IFT88: variants seen among roughly 807,000 people sequenced by gnomAD.
IFT88 encodes the protein intraflagellar transport 88.
A neutral mutation model predicts 119.5 loss-of-function variants in IFT88; 74 were observed. That is an observed-to-expected ratio of 0.62 (90% CI 0.51 to 0.75). IFT88 has a LOEUF of 0.75. IFT88 is among the 30% of genes least tolerant of loss of function. IFT88 has a pLI of 0.00. For synonymous variants in IFT88, 279 were observed against 316.7 expected, an observed-to-expected ratio of 0.88 and a Z score of 1.26; for missense variants, 961 against 977.7, an observed-to-expected ratio of 0.98 and a Z score of 0.23.
intron 17 of IFT88, among the ~76,000 whole-genome samples, chr13:20,640,556 G>A (rs1408613220): frequency 6.1e-5 from 9 of 148,198 alleles, no homozygotes; most frequent in African/African-American, 2.2e-4. Context: ...CTGGGCGACA[G>A]AGCGACTCCG....
intron 15 of IFT88, among the ~76,000 whole-genome samples, chr13:20,627,990 CTCTG>C (rs1390508981): frequency 3.9e-5 from 6 of 152,040 alleles, no homozygotes; most frequent in South Asian, 4.1e-4. Context: ...GCTGCTTTCA[CTCTG>C]TCTTTCTTTT....
chr13:20,670,090 G>T (rs1428907134), intron 23 of IFT88, among the ~76,000 whole-genome samples: 2 of 152,158 alleles, frequency 1.3e-5, no homozygotes, highest in Non-Finnish European at 2.9e-5. Flanking sequence ...GAAGTTGTCA[G>T]GGTTAAGGAG....
chr13:20,628,210 T>C (rs1001824310), intron 15 of IFT88, among the ~76,000 whole-genome samples: 6 of 152,272 alleles, frequency 3.9e-5, no homozygotes, highest in South Asian at 2.1e-4. Flanking sequence ...CTTTTTTTTT[T>C]TCCAAGAAAA....
intron 24 of IFT88, among the ~76,000 whole-genome samples, chr13:20,673,746 TTTTTC>T (rs1200710463): frequency 6.6e-6 from 1 of 152,192 alleles, no homozygotes; most frequent in Non-Finnish European, 1.5e-5. Flanking sequence ...CCACTGCTGC[TTTTTC>T]TTTTTTAATC....
chr13:20,665,336 A>G (rs967222173), intron 23 of IFT88, among the ~76,000 whole-genome samples: 2 of 152,220 alleles, frequency 1.3e-5, no homozygotes, highest in African/African-American at 4.8e-5. Flanking sequence ...TCCAGTTATT[A>G]CCAAAATGCA....
At chr13:20,592,830 A>C (rs2040935647) in intron 7 of IFT88, among the ~76,000 whole-genome samples, 1 of 152,192 alleles carries the variant, frequency 6.6e-6, no homozygotes, top group African/African-American at 2.4e-5. Context: ...ATTCCATAAG[A>C]ATTACATAAT....
chr13:20,650,672 T>C (rs1490669210), intron 20 of IFT88, among the ~76,000 whole-genome samples: 1 of 152,102 alleles, frequency 6.6e-6, no homozygotes, highest in African/African-American at 2.4e-5. Context: ...AAGTAAAAAT[T>C]AACCCTGTTC....
intron 16 of IFT88, among the ~76,000 whole-genome samples, chr13:20,632,402 C>A (rs546753637): frequency 1.2e-4 from 19 of 152,182 alleles, no homozygotes; most frequent in Non-Finnish European, 2.2e-4. Flanking sequence ...AGGCATGGAA[C>A]CCAGACCTCA....
intron 20 of IFT88, 30 bp downstream of exon 20, chr13:20,644,988 T>G (rs1566332137): frequency 1.9e-6 from 2 of 1,050,872 alleles, no homozygotes; most frequent in South Asian, 2.9e-5. Flanking sequence ...TTATGTTTAG[T>G]TAATGTCATG....
intron 13 of IFT88, among the ~76,000 whole-genome samples, chr13:20,608,605 G>A (rs1476083029): frequency 2.0e-5 from 3 of 152,160 alleles, no homozygotes; most frequent in African/African-American, 7.2e-5. Flanking sequence ...GCTTGAGAAC[G>A]TCAGACTGGC....
At chr13:20,673,029 G>A (rs536045114) in intron 24 of IFT88, among the ~76,000 whole-genome samples, 1 of 152,276 alleles carries the variant, frequency 6.6e-6, no homozygotes, top group South Asian at 2.1e-4. Flanking sequence ...GGAAGTACGT[G>A]ATATCAGCTC....
At chr13:20,596,087 A>T (rs532560051) in intron 7 of IFT88, 63 bp from the exon 8 acceptor site, 1 of 478,642 alleles carries the variant, frequency 2.1e-6, no homozygotes, top group Non-Finnish European at 3.5e-6. Flanking sequence ...AAATAAAATA[A>T]ATTTTAGTAT....
chr13:20,674,724 ATT>A (rs35617736), intron 24 of IFT88, among the ~76,000 whole-genome samples: 1,228 of 73,524 alleles, frequency 0.017, 6 homozygotes, highest in African/African-American at 0.028. Flanking sequence ...ATATATATAT[ATT>A]TTTTTTTTTT....
intron 2 of IFT88, among the ~76,000 whole-genome samples, chr13:20,575,950 T>C (rs1326702210): frequency 6.6e-6 from 1 of 152,214 alleles, no homozygotes; most frequent in Non-Finnish European, 1.5e-5. Flanking sequence ...TCTAAACTGT[T>C]CTCCATAGTA....
At chr13:20,607,222 C>T (rs922787121) in intron 13 of IFT88, 17 of 399,856 alleles carry the variant, frequency 4.3e-5, no homozygotes, top group East Asian at 3.6e-4. Flanking sequence ...TCTCAGGCCC[C>T]GGGCCCAGTC....
rs551519236 is a variant in IFT88, at chr13:20,653,621, G to A, written c.1950-255G>A. Among the ~76,000 whole-genome samples the A allele has an allele frequency of 8.5e-5, 13 of 152,244 alleles. No homozygotes were observed. The South Asian group carries it at 2.5e-3, about 29-fold the overall frequency. ...AATGCAGTGGGTTTTAACCAAACAG[G>A]TTAAGTGGTTCTCATATGAATATCT... is the stretch of plus-strand genomic sequence containing the variant. On this transcript the variant is annotated intron_variant, in intron 20 of 25. Transcript: ENST00000351808.
rs1427001308 is a variant in IFT88, at chr13:20,586,737, TC to T, written c.154-3073del. Among the ~76,000 whole-genome samples, 5 of 152,206 alleles carry T rather than the reference TC, an allele frequency of 3.3e-5. No homozygotes were observed. In the East Asian group the frequency reaches 9.6e-4, roughly 29 times the overall value. ...CCCATATCCTTCCTTTTCAGTTTTT[TC>T]TTAAGACCTGGAGCCAATCTTATCA... On this transcript the variant is annotated intron_variant, in intron 3 of 25. Transcript: ENST00000351808.
At chr13:20,608,389 C>T (rs1326711036) in intron 13 of IFT88, among the ~76,000 whole-genome samples, 1 of 152,210 alleles carries the variant, frequency 6.6e-6, no homozygotes, top group South Asian at 2.1e-4. Context: ...GTCTCATGCT[C>T]TTTCTTTCTG....
intron 23 of IFT88, among the ~76,000 whole-genome samples, chr13:20,666,728 T>C (rs2054755083): frequency 1.3e-5 from 2 of 152,216 alleles, no homozygotes; most frequent in African/African-American, 4.8e-5. Context: ...GAATCCCATC[T>C]TTTTTCCCTA....
Sources: allele counts gnomAD v4.1 joint callset (sites outside exome capture counted in the v4.1 genomes callset), GRCh38; gene constraint gnomAD v4.1.1; transcripts MANE v1.5; gene names NCBI Gene and HGNC (gene_info 2026-07-23, HGNC 2026-07-21).